The following IL1RN variants were observed in gnomAD, a reference collection of about 807,000 sequenced individuals.
The protein encoded by IL1RN is interleukin 1 receptor antagonist.
A neutral mutation model predicts 13.7 loss-of-function variants in IL1RN; 10 were observed. That is an observed-to-expected ratio of 0.73 (90% CI 0.45 to 1.24). IL1RN has a LOEUF of 1.24. Ranked by LOEUF, IL1RN falls within the 50% of genes most tolerant of loss-of-function variation. IL1RN has a pLI of 0.00. For synonymous variants in IL1RN, 102 were observed against 82.7 expected (o/e 1.23, Z -1.27); for missense variants, 213 against 222.1 (o/e 0.96, Z 0.26).
At chr2:113,118,316 G>T (rs2104433914) in intron 1 of IL1RN, among the ~76,000 whole-genome samples, 2 of 152,330 alleles carry the variant, frequency 1.3e-5, no homozygotes, top group East Asian at 3.9e-4. Flanking sequence ...GAGTGTGAGG[G>T]TCATTTTCCA....
At chr2:113,127,462 T>G (rs1407616630), upstream of IL1RN, 4 of 1,417,220 alleles carry the variant, frequency 2.8e-6, no homozygotes, top group Non-Finnish European at 3.7e-6. Flanking sequence ...GGGTTGAAAG[T>G]GACAACAGCA....
Position 113,133,726 on chromosome 2 carries a change from G to C in IL1RN, c.*855G>C, listed in dbSNP as rs1245855148. ...CTCTGAGCAAATGTGGCTCCTGGGG[G>C]TTCTTTCTTCCTCTGCTGAAGGAAT... On this transcript the variant is annotated 3_prime_UTR_variant, in exon 4 of 4. Transcript: ENST00000409930. 6.6e-6 allele frequency: 1 copy of C among 152,582 alleles called. No individual in the cohort carries two copies. Among genetic ancestry groups the C allele is most frequent in the Non-Finnish European group, 1.5e-5 (1 of 68,050 alleles). 9.5% of individuals were successfully genotyped at this position (152,582 alleles called of 1,614,324 possible).
chr2:113,106,384 T>C (rs1686388769), upstream of IL1RN, among the ~76,000 whole-genome samples: 1 of 152,216 alleles, frequency 6.6e-6, no homozygotes, highest in African/African-American at 2.4e-5. Context: ...TTTTGAGATA[T>C]GCATTCTTAT....
At chr2:113,120,635 A>C (rs1686739886) in intron 2 of IL1RN, among the ~76,000 whole-genome samples, 1 of 152,224 alleles carries the variant, frequency 6.6e-6, no homozygotes, top group Non-Finnish European at 1.5e-5. Flanking sequence ...TGGTCACTCT[A>C]GTCCATAACC....
intron 3 of IL1RN, 125 bp downstream of exon 3, chr2:113,131,282 C>T: frequency 1.4e-6 from 1 of 716,344 alleles, no homozygotes. Flanking sequence ...TGTGGTGGAA[C>T]ATGCTGGGGT....
rs764979591 is a variant in IL1RN at position 113,118,045 on chromosome 2, C to CT, written c.10+18dup. The CT allele has an allele frequency of 1.1e-5, 18 of 1,612,146 alleles. No individual in the cohort carries two copies. The highest frequency in any genetic ancestry group is 2.7e-5 in the African/African-American group (2 of 74,920). On this transcript the variant is annotated intron_variant, in intron 1 of 5. Transcript: ENST00000259206. ...TGGCTTTAGGTAAGCTCCTTCCACT[C>CT]TCATTTTTTCACCTGAGAAATGAGA...
chr2:113,131,021 A>C, intron 2 of IL1RN, 24 bp from the exon 3 acceptor site: 1 of 1,408,222 alleles, frequency 7.1e-7, no homozygotes, highest in South Asian at 1.1e-5. Context: ...TATTAACCTG[A>C]CCCTCCCCTC....
upstream of IL1RN, among the ~76,000 whole-genome samples, chr2:113,113,280 G>A (rs2104426431): frequency 6.6e-6 from 1 of 152,290 alleles, no homozygotes; most frequent in African/African-American, 2.4e-5. Flanking sequence ...CAACATGGAT[G>A]GACCTGGAGG....
upstream of IL1RN, chr2:113,127,422 A>C (rs1275462628): frequency 1.5e-6 from 2 of 1,343,560 alleles, no homozygotes; most frequent in Non-Finnish European, 1.9e-6. Flanking sequence ...GGAGGGAATC[A>C]GTTACAACAC....
intron 2 of IL1RN, among the ~76,000 whole-genome samples, chr2:113,122,315 G>A (rs1026550685): frequency 2.0e-5 from 3 of 152,152 alleles, no homozygotes; most frequent in African/African-American, 7.2e-5. Flanking sequence ...CTTGTGGGGT[G>A]AGCCATTTGG....
chr2:113,112,271 C>G (rs1686513128), intron 1 of IL1RN, among the ~76,000 whole-genome samples: 1 of 152,206 alleles, frequency 6.6e-6, no homozygotes, highest in Non-Finnish European at 1.5e-5. Context: ...CAACACTCAA[C>G]AGAGATATTC....
chr2:113,129,627 T>A lies in IL1RN; in HGVS notation c.168T>A (p.Val56=). The change falls in exon 2 of 4, where the codon GTT becomes GTA. Residue 56 remains valine (V), a synonymous_variant. Coordinates refer to ENST00000409930, the MANE Select transcript of IL1RN (RefSeq NM_173842.3). ...TCTATCTGAGGAACAACCAACTAGT[T>A]GCTGGATACTTGCAAGGACCAAATG... ...KTFYLRNNQL[V]AGYLQGPNVN... 6.2e-7 allele frequency: 1 copy of A among 1,613,400 alleles called. No individual in the cohort carries two copies. Among genetic ancestry groups the A allele is most frequent in the Non-Finnish European group, 8.5e-7 (1 of 1,179,288 alleles).
At chr2:113,100,325 C>CA in the IL1RN span, among the ~76,000 whole-genome samples, 11,323 of 78,238 alleles carry the variant, frequency 0.14, 654 homozygotes, top group Non-Finnish European at 0.19. Flanking sequence ...GACTCCGTCT[C>CA]AAAAAAAAAA....
At chr2:113,121,069 CTCCTCCTCTTCT>C (rs1686762747) in intron 2 of IL1RN, among the ~76,000 whole-genome samples, 1 of 123,000 alleles carries the variant, frequency 8.1e-6, no homozygotes, top group South Asian at 3.2e-4. Flanking sequence ...CCTCCTCCTC[CTCCTCCTCTTCT>C]TCTTCTTCTT....
chr2:113,121,083 CTT>C (rs1686764477), intron 2 of IL1RN, among the ~76,000 whole-genome samples: 1 of 144,714 alleles, frequency 6.9e-6, no homozygotes, highest in Non-Finnish European at 1.5e-5. Context: ...TCCTCTTCTT[CTT>C]CTTCTTCTTC....
upstream of IL1RN, chr2:113,111,017 C>G (rs1389915645): frequency 6.6e-6 from 1 of 152,218 alleles, no homozygotes; most frequent in African/African-American, 2.4e-5. Flanking sequence ...TTGGAGTAAC[C>G]AAAAGGCTTA....
upstream of IL1RN, among the ~76,000 whole-genome samples, chr2:113,103,547 C>T (rs926487301): frequency 2.0e-5 from 3 of 152,162 alleles, no homozygotes; most frequent in African/African-American, 7.2e-5. Flanking sequence ...AATGGATTCT[C>T]CCCCAGAGTC....
At chr2:113,129,857 G>A (rs1687100161) in intron 2 of IL1RN, 193 bp downstream of exon 2, 2 of 598,536 alleles carry the variant, frequency 3.3e-6, no homozygotes, top group East Asian at 3.0e-5. Flanking sequence ...AAGAGGGTGT[G>A]GAGAGGTAGA....
At chr2:113,117,139 G>T (rs1686613230), upstream of IL1RN, among the ~76,000 whole-genome samples, 1 of 152,260 alleles carries the variant, frequency 6.6e-6, no homozygotes, top group Non-Finnish European at 1.5e-5. Flanking sequence ...AGGAGGAGGG[G>T]TGTTCAGAAC....
Sources: allele counts gnomAD v4.1 joint callset (sites outside exome capture counted in the v4.1 genomes callset), GRCh38; gene constraint gnomAD v4.1.1; transcripts MANE v1.5; gene names NCBI Gene and HGNC (gene_info 2026-07-23, HGNC 2026-07-21).